The following RPS6KA4 variants were observed in gnomAD, a reference collection of about 807,000 sequenced individuals.
RPS6KA4 encodes ribosomal protein S6 kinase alpha-4.
In RPS6KA4, 38 loss-of-function variants were observed where a neutral mutation model predicts 89.6. The observed-to-expected ratio is 0.42, with a 90% CI of 0.33 to 0.56. The LOEUF (loss-of-function observed/expected upper bound fraction) is 0.56, where lower values mean the gene tolerates loss of function less well. Ranked by LOEUF, RPS6KA4 falls within the 20% of genes least tolerant of loss-of-function variation. The pLI is 0.07. For missense variants in RPS6KA4, 873 were observed against 1,098.8 expected, an observed-to-expected ratio of 0.79 and a Z score of 2.90; for synonymous variants, 495 against 492.8, an observed-to-expected ratio of 1.00 and a Z score of -0.06.
At chr11:64,365,252 T>A (rs767189694) in intron 8 of RPS6KA4, 49 bp from the exon 9 acceptor site, 7 of 1,580,652 alleles carry the variant, frequency 4.4e-6, no homozygotes, top group Non-Finnish European at 6.0e-6. Flanking sequence ...GTGGAGGGAG[T>A]TTCTCGTTCC....
At chr11:64,363,868 A>G (rs1207435896) in intron 8 of RPS6KA4, among the ~76,000 whole-genome samples, 1 of 152,150 alleles carries the variant, frequency 6.6e-6, no homozygotes, top group East Asian at 1.9e-4. Context: ...GGAGCCTTCC[A>G]GCTTGAGTCA....
At position 64,368,476 on chromosome 11, in the gene RPS6KA4, C is replaced by G. The variant is rs1466705174; in HGVS notation, c.1209C>G (p.Pro403=). 6 of 1,553,002 alleles carry G rather than the reference C, an allele frequency of 3.9e-6. 1 individual carries two copies. In the South Asian group the frequency reaches 5.9e-5, roughly 15 times the overall value. ...TTCGCCTTCGCCTCCAGGACTCGCC[C>G]TTCTTCCAGCAGTACGAGCTGGACC... ...VARSAMMQDS[P]FFQQYELDLR... Residue 403 remains proline, a synonymous_variant, in exon 11 of 17, where the codon CCC becomes CCG. Transcript: ENST00000334205.
rs758815611 is a variant in RPS6KA4, at chr11:64,368,194, G to C, written c.1134G>C (p.Gly378=). The C allele has an allele frequency of 6.2e-7, 1 of 1,613,752 alleles. No homozygotes were observed. Residue 378 remains glycine (G), a synonymous_variant, in exon 10 of 17, where the codon GGG becomes GGC. Coordinates refer to ENST00000334205, the MANE Select transcript of RPS6KA4 (RefSeq NM_003942.3). ...ACAACAACGCGGTGATGACCGATGG[G>C]CTGGAAGCGCCTGGTGCTGGAGACC... The part of the protein sequence containing the change: ...FDHNNAVMTD[G]LEAPGAGDRP...
chr11:64,362,317 G>A (rs1033119327), intron 8 of RPS6KA4, among the ~76,000 whole-genome samples: 1 of 152,246 alleles, frequency 6.6e-6, no homozygotes, highest in Admixed American at 6.5e-5. Flanking sequence ...AAATGGTGCC[G>A]AGTTGGGAAT....
chr11:64,366,755 C>T (rs1202188077), intron 9 of RPS6KA4, among the ~76,000 whole-genome samples: 9 of 152,204 alleles, frequency 5.9e-5, no homozygotes, highest in Non-Finnish European at 1.3e-4. Context: ...CTCACCTGGC[C>T]CAGGGGGTCA....
At chr11:64,359,826 A>C in intron 2 of RPS6KA4, 1 of 525,140 alleles carries the variant, frequency 1.9e-6, no homozygotes, top group Non-Finnish European at 3.4e-6. Context: ...CCAGGTGCAC[A>C]CCTCTGCCTC....
Position 64,361,297 on chromosome 11 carries a change from C to T in RPS6KA4, c.570+56C>T, listed in dbSNP as rs2036740610. 1.3e-6 allele frequency: 2 copies of T among 1,521,646 alleles called. No individual in the cohort carries two copies. Among genetic ancestry groups the T allele is most frequent in the Admixed American group, 1.7e-5 (1 of 58,514 alleles). 94.3% of individuals were successfully genotyped at this position (1,521,646 alleles called of 1,614,324 possible). A position where few individuals can be genotyped will look rare whatever the true frequency, so the allele number is the denominator to read the frequency against. ...CCCATTCAATCCTTCTCCTTCCTGC[C>T]TCTTCCTGCTCTGGGCCTGCATTCT... On this transcript the variant is annotated intron_variant, in intron 5 of 16. Transcript: ENST00000334205. This position sits in a 1 kb window ranked among gnomAD's most constrained non-coding sequence, Gnocchi z 4.7.
Position 64,370,740 on chromosome 11 carries a change from T to TCTGTTGAA in RPS6KA4, c.2121+15_2121+22dup. 1.3e-6 allele frequency: 2 copies of TCTGTTGAA among 1,524,806 alleles called. No individual in the cohort carries two copies. Among genetic ancestry groups the TCTGTTGAA allele is most frequent in the Non-Finnish European group, 1.8e-6 (2 of 1,136,582 alleles). 94.5% of individuals were successfully genotyped at this position (1,524,806 alleles called of 1,614,324 possible). ...GCCACCTTCATGGTAAGGGGCAGGG[T>TCTGTTGAA]CTGTTGAAGGGAAGGGGTGGGCGAA... On this transcript the variant is annotated intron_variant, in intron 16 of 16. Transcript: ENST00000334205. The surrounding 1 kb of genome is among the most constrained non-coding windows in gnomAD (Gnocchi z 4.1).
rs897955758 is a variant in RPS6KA4 at position 64,361,040 on chromosome 11, TG to T, written c.463-88del. 1.1e-4 allele frequency: 104 copies of T among 985,024 alleles called. No individual in the cohort carries two copies. In the African/African-American group the frequency reaches 1.4e-3, roughly 13 times the overall value. 61.0% of individuals were successfully genotyped at this position (985,024 alleles called of 1,614,324 possible). Reference sequence around the variant, plus strand: ...CCCTCTACAGGCAGATGACTTTCTCTGGGGGGTCTCCTTATCCTGAGCAGGG... The same window carrying T: ...CCCTCTACAGGCAGATGACTTTCTCTGGGGGTCTCCTTATCCTGAGCAGGG... On this transcript the variant is annotated intron_variant, in intron 4 of 16. Coordinates refer to ENST00000334205, the MANE Select transcript of RPS6KA4 (RefSeq NM_003942.3). This position sits in a 1 kb window ranked among gnomAD's most constrained non-coding sequence, Gnocchi z 4.7.
intron 2 of RPS6KA4, chr11:64,359,781 A>C: frequency 7.7e-6 from 4 of 521,366 alleles, no homozygotes; most frequent in East Asian, 3.3e-5. Flanking sequence ...CATTTTGCAA[A>C]TGCCCCAGCG....
rs1729204548 is a variant in RPS6KA4, at chr11:64,360,575, C to T, written c.445C>T (p.Leu149=). The change falls in exon 4 of 17, where the codon CTG becomes TTG. Residue 149 remains leucine, a synonymous_variant. Coordinates refer to ENST00000334205, the MANE Select transcript of RPS6KA4 (RefSeq NM_003942.3). ...GTATGGGGGTGAGATCGTGCTGGCC[C>T]TGGAACACCTGCACAAGGTGGGTGA... ...RVYGGEIVLA[L]EHLHKLGIIY... 3.1e-6 allele frequency: 5 copies of T among 1,608,316 alleles called. No individual in the cohort carries two copies. The Admixed American group carries it at 5.1e-5, about 16-fold the overall frequency.
chr11:64,359,232 C>A lies in RPS6KA4; in HGVS notation c.-4C>A, dbSNP rs547326193. Reference sequence around the variant, plus strand: ...GCCGCGCGGGCCCCAGCGACCCGCCCGCCATGGGGGACGAGGACGACGATG... The same window carrying A: ...GCCGCGCGGGCCCCAGCGACCCGCCAGCCATGGGGGACGAGGACGACGATG... On this transcript the variant is annotated 5_prime_UTR_variant, in exon 1 of 17. Coordinates refer to ENST00000334205, the MANE Select transcript of RPS6KA4 (RefSeq NM_003942.3). The A allele has an allele frequency of 5.8e-6, 8 of 1,371,580 alleles. No homozygotes were observed. In the African/African-American group the frequency reaches 6.0e-5, roughly 10 times the overall value. The allele number at this position is 1,371,580 out of a possible 1,614,324, so 85.0% of individuals were successfully genotyped here.
rs777157438 is a variant in RPS6KA4, at chr11:64,369,556, C to T, written c.1539C>T (p.Leu513=). Residue 513 remains leucine (L), a synonymous_variant, in exon 13 of 17, where the codon CTC becomes CTT. Coordinates refer to ENST00000334205, the MANE Select transcript of RPS6KA4 (RefSeq NM_003942.3). ...AAGCAAGCCAGATCCTGCGCAGCCT[C>T]GTGTCGGCCGTGAGCTTCATGCACG... ...ESEASQILRS[L]VSAVSFMHEE... 1.2e-6 allele frequency: 2 copies of T among 1,606,868 alleles called. No individual in the cohort carries two copies. Among genetic ancestry groups the T allele is most frequent in the East Asian group, 4.5e-5 (2 of 44,618 alleles).
At chr11:64,360,710 A>T in intron 4 of RPS6KA4, 118 bp downstream of exon 4, 1 of 876,474 alleles carries the variant, frequency 1.1e-6, no homozygotes. Context: ...GCCAGTGGTG[A>T]GCTGGGTGGG....
At chr11:64,364,504 G>A (rs564066717) in intron 8 of RPS6KA4, among the ~76,000 whole-genome samples, 60 of 152,262 alleles carry the variant, frequency 3.9e-4, no homozygotes, top group Non-Finnish European at 4.9e-4. Flanking sequence ...AGATTCTGCC[G>A]CATTAGCTTA....
chr11:64,367,528 C>A (rs2036916286), intron 9 of RPS6KA4, among the ~76,000 whole-genome samples: 1 of 152,192 alleles, frequency 6.6e-6, no homozygotes, highest in Non-Finnish European at 1.5e-5. Flanking sequence ...TCAGGCTGGT[C>A]TCAAACTCCT....
intron 2 of RPS6KA4, among the ~76,000 whole-genome samples, 174 bp from the exon 3 acceptor site, chr11:64,359,989 G>C (rs113936324): frequency 6.6e-6 from 1 of 152,078 alleles, no homozygotes; most frequent in African/African-American, 2.4e-5. Context: ...CACCCTCCCG[G>C]GGTGTGCACA....
intron 4 of RPS6KA4, chr11:64,360,869 G>T: frequency 1.7e-6 from 1 of 573,164 alleles, no homozygotes; most frequent in Non-Finnish European, 3.1e-6. Context: ...AAACCTCACG[G>T]CCTGGCTCCT....
intron 8 of RPS6KA4, among the ~76,000 whole-genome samples, chr11:64,362,607 G>A (rs1321921695): frequency 7.2e-5 from 11 of 152,248 alleles, no homozygotes; most frequent in African/African-American, 2.4e-4. Flanking sequence ...GCAGGACTTT[G>A]TAACAGTCAA....
Sources: gnomAD v4.1 joint callset for allele counts (sites outside exome capture counted in the v4.1 genomes callset) on GRCh38, gnomAD v4.1.1 for gene constraint, Gnocchi (gnomAD v3.1) non-coding constraint, MANE v1.5 for transcripts, NCBI Gene and HGNC (gene_info 2026-07-23, HGNC 2026-07-21) for gene names.